The following FREM2 variants were observed in gnomAD, a reference collection of about 807,000 sequenced individuals.
FREM2 encodes FRAS1-related extracellular matrix protein 2.
FREM2 carries 119 observed loss-of-function variants against 219.9 expected under a neutral mutation model. That is an observed-to-expected ratio of 0.54 (90% CI 0.47 to 0.63). The LOEUF is 0.63. Among genes scored for constraint, FREM2 ranks in the 30% least tolerant of loss-of-function variants. The pLI is 0.00. For missense variants in FREM2, 4,030 were observed against 3,993.6 expected (o/e 1.01, Z -0.25); for synonymous variants, 1,562 against 1,522.8 (o/e 1.03, Z -0.60).
chr13:38,700,899 T>A (rs1223685215), intron 2 of FREM2, among the ~76,000 whole-genome samples: 1 of 152,102 alleles, frequency 6.6e-6, no homozygotes, highest in East Asian at 1.9e-4. Flanking sequence ...TTGTGTTTTC[T>A]AAAATGTGCA....
intron 6 of FREM2, among the ~76,000 whole-genome samples, chr13:38,800,386 C>G (rs1173531778): frequency 6.6e-6 from 1 of 152,032 alleles, no homozygotes; most frequent in Non-Finnish European, 1.5e-5. Flanking sequence ...ATGTCATTAT[C>G]TCCGGGCACA....
intron 6 of FREM2, among the ~76,000 whole-genome samples, chr13:38,824,697 A>G (rs997855647): frequency 6.6e-6 from 1 of 152,054 alleles, no homozygotes; most frequent in African/African-American, 2.4e-5. Context: ...TAGCAGCTCT[A>G]GGTGGAGCCA....
At position 38,867,374 on chromosome 13, in the gene FREM2, C is replaced by G. The variant is rs115063552; in HGVS notation, c.7983+2768C>G. Among the ~76,000 whole-genome samples the G allele has an allele frequency of 9.0e-3, 1,367 of 152,294 alleles. 29 individuals are homozygous for G. The highest frequency in any genetic ancestry group is 0.031 in the African/African-American group (1,306 of 41,560). On this transcript the variant is annotated intron_variant, in intron 16 of 23. Coordinates refer to ENST00000280481, the MANE Select transcript of FREM2 (RefSeq NM_207361.6). ...TCAATATCATAGTGATGACCAGATT[C>G]AGAGTAAATCATTGAGATTTTAGGA...
intron 2 of FREM2, among the ~76,000 whole-genome samples, chr13:38,701,412 G>C (rs1870337626): frequency 6.6e-6 from 1 of 152,110 alleles, no homozygotes; most frequent in Admixed American, 6.6e-5. Flanking sequence ...CTTCACGAAG[G>C]TAACTTATAA....
chr13:38,714,341 A>G (rs1870896072), intron 2 of FREM2, among the ~76,000 whole-genome samples: 2 of 152,254 alleles, frequency 1.3e-5, no homozygotes, highest in Admixed American at 1.3e-4. Flanking sequence ...CATCAAAAGT[A>G]TAGACATCAA....
intron 4 of FREM2, among the ~76,000 whole-genome samples, chr13:38,781,952 C>G (rs1874134246): frequency 6.6e-6 from 1 of 152,108 alleles, no homozygotes; most frequent in Non-Finnish European, 1.5e-5. Flanking sequence ...TGAGGGAAAC[C>G]AAGGGAATAA....
chr13:38,725,581 C>A (rs1871484172), intron 2 of FREM2, among the ~76,000 whole-genome samples: 1 of 152,180 alleles, frequency 6.6e-6, no homozygotes, highest in South Asian at 2.1e-4. Context: ...AAAAGAGCTT[C>A]ACCGCTTCAG....
At chr13:38,866,263 G>A (rs1411253222) in intron 16 of FREM2, among the ~76,000 whole-genome samples, 1 of 152,074 alleles carries the variant, frequency 6.6e-6, no homozygotes, top group Non-Finnish European at 1.5e-5. Flanking sequence ...GGGAGGCCGA[G>A]GCGGGCAGAT....
intron 2 of FREM2, among the ~76,000 whole-genome samples, chr13:38,720,510 C>A (rs1023967332): frequency 4.6e-5 from 7 of 152,114 alleles, no homozygotes; most frequent in African/African-American, 1.4e-4. Context: ...AAATTCAGAC[C>A]AGGGTGATCT....
chr13:38,730,240 T>C (rs766734172), intron 2 of FREM2, among the ~76,000 whole-genome samples: 4 of 152,244 alleles, frequency 2.6e-5, no homozygotes, highest in Non-Finnish European at 4.4e-5. Context: ...ACGTTTATGA[T>C]ACATTTGTTT....
In FREM2 at chr13:38,759,450, T is replaced by TGA. The variant is rs534509901; in HGVS notation, c.5264-4854_5264-4853insGA. 1.7e-4 allele frequency among the ~76,000 whole-genome samples: 21 copies of TGA among 125,816 alleles called. No homozygotes were observed. In the South Asian group the frequency reaches 2.0e-3, roughly 12 times the overall value. 82.5% of individuals were successfully genotyped at this position (125,816 alleles called of 152,430 possible). A position where few individuals can be genotyped will look rare whatever the true frequency, so the allele number is the denominator to read the frequency against. ...TGGAGTTTGGTATTCTTTGTTATTC[T>TGA]AAAAAAAAAAAAAAACGACTGAGTT... On this transcript the variant is annotated intron_variant, in intron 2 of 23. Transcript: ENST00000280481.
Position 38,883,135 on chromosome 13 carries a change from C to T in FREM2, c.*2348C>T, listed in dbSNP as rs1408274493. 6.6e-6 allele frequency: 1 copy of T among 152,078 alleles called. No individual in the cohort carries two copies. The highest frequency in any genetic ancestry group is 1.5e-5 in the Non-Finnish European group (1 of 67,996). The allele number at this position is 152,078 out of a possible 1,614,324, so 9.4% of individuals were successfully genotyped here. Reference sequence around the variant, plus strand: ...TACTCTCCTCTCTCCCTTTTTCCTTCCCTTTATTCCCTTGAAAAAAGAGAA... The same window carrying T: ...TACTCTCCTCTCTCCCTTTTTCCTTTCCTTTATTCCCTTGAAAAAAGAGAA... On this transcript the variant is annotated 3_prime_UTR_variant, in exon 24 of 24. Coordinates refer to ENST00000280481, the MANE Select transcript of FREM2 (RefSeq NM_207361.6).
At chr13:38,719,973 A>G (rs1435449102) in intron 2 of FREM2, among the ~76,000 whole-genome samples, 1 of 152,186 alleles carries the variant, frequency 6.6e-6, no homozygotes, top group East Asian at 1.9e-4. Context: ...AAGAATCCCA[A>G]AGTAAAATTC....
intron 16 of FREM2, among the ~76,000 whole-genome samples, chr13:38,870,625 G>T (rs575792330): frequency 2.6e-5 from 4 of 152,184 alleles, no homozygotes; most frequent in Non-Finnish European, 5.9e-5. Flanking sequence ...TTAGGCTCCA[G>T]TTCCTCCAGG....
chr13:38,787,014 A>G (rs1874358060), intron 6 of FREM2, among the ~76,000 whole-genome samples: 1 of 152,172 alleles, frequency 6.6e-6, no homozygotes, highest in African/African-American at 2.4e-5. Flanking sequence ...TGGTCCTATC[A>G]TATAATATTC....
intron 9 of FREM2, 43 bp downstream of exon 9, chr13:38,850,278 C>A: frequency 6.7e-7 from 1 of 1,482,480 alleles, no homozygotes; most frequent in Non-Finnish European, 9.4e-7. Context: ...TTGAAGAAGC[C>A]GAATTTTTAC....
intron 11 of FREM2, 143 bp downstream of exon 11, chr13:38,852,011 A>T: frequency 1.3e-6 from 1 of 742,066 alleles, no homozygotes. Context: ...TTTAAGGGGT[A>T]CAAGTGCAAT....
chr13:38,751,517 G>A lies in FREM2; in HGVS notation c.5264-12787G>A, dbSNP rs191233230. 2.0e-3 allele frequency among the ~76,000 whole-genome samples: 306 copies of A among 152,120 alleles called. 1 individual carries two copies. The highest frequency in any genetic ancestry group is 7.1e-3 in the African/African-American group (295 of 41,494). The stretch of plus-strand genomic sequence containing the variant: ...GGTTTTCTTGCAGTTCCTTCCTCTG[G>A]GAGGGGCCCATCCTCCATCCACAGA... On this transcript the variant is annotated intron_variant, in intron 2 of 23. Transcript: ENST00000280481.
chr13:38,864,615 T>G lies in FREM2; in HGVS notation c.7983+9T>G, dbSNP rs1566171515. On this transcript the variant is annotated intron_variant, in intron 16 of 23. Coordinates refer to ENST00000280481, the MANE Select transcript of FREM2 (RefSeq NM_207361.6). Reference sequence around the variant, plus strand: ...TTGGAACAGATGGACAGGTACAGATTTATAACATCTGAGTTTGGTCACTGG... The same window carrying G: ...TTGGAACAGATGGACAGGTACAGATGTATAACATCTGAGTTTGGTCACTGG... 4 of 1,611,558 alleles carry G rather than the reference T, an allele frequency of 2.5e-6. No individual in the cohort carries two copies. In the African/African-American group the frequency reaches 5.3e-5, roughly 21 times the overall value.
Sources: allele counts gnomAD v4.1 joint callset (sites outside exome capture counted in the v4.1 genomes callset), GRCh38; gene constraint gnomAD v4.1.1; transcripts MANE v1.5; gene names NCBI Gene and HGNC (gene_info 2026-07-23, HGNC 2026-07-21).